The following UBOX5 variants were observed in gnomAD, a reference collection of about 807,000 sequenced individuals.
The protein encoded by UBOX5 is RING finger protein 37.
In UBOX5, 28 loss-of-function variants were observed where a neutral mutation model predicts 39.0. The ratio of observed to expected loss-of-function variants is 0.72; its 90% CI spans 0.53 to 0.98. UBOX5 has a LOEUF of 0.98. Among genes scored for constraint, UBOX5 ranks in the 50% least tolerant of loss-of-function variants. The pLI is 0.00. For missense variants in UBOX5, 585 were observed against 674.4 expected, an observed-to-expected ratio of 0.87 and a Z score of 1.47; for synonymous variants, 283 against 275.5, an observed-to-expected ratio of 1.03 and a Z score of -0.27.
chr20:3,120,490 T>C (rs1266488298), intron 3 of UBOX5, among the ~76,000 whole-genome samples: 1 of 145,416 alleles, frequency 6.9e-6, no homozygotes, highest in South Asian at 2.2e-4. Flanking sequence ...TTACTAAAAA[T>C]ACAAAAACTT....
rs762739821 is a variant in UBOX5, at chr20:3,122,005, C to A, written c.634G>T (p.Val212Phe). ...TCCTGAGGCAGGTTCTCTGAGGTGA[C>A]CAGCAGGATGCTGTCTATCACTTCC... ...SQEVIDSILL[V>F]TSENLPQDVA... The change falls in exon 3 of 5, where the codon GTC becomes TTC. Residue 212 changes from valine to phenylalanine, a missense_variant. Physicochemically the swap from Val to Phe is conservative, Grantham distance 50. Transcript: ENST00000217173. The A allele has an allele frequency of 4.3e-6, 7 of 1,614,212 alleles. No homozygotes were observed. The highest frequency in any genetic ancestry group is 5.1e-6 in the Non-Finnish European group (6 of 1,180,046).
At chr20:3,148,045 G>C (rs765170032) in intron 1 of UBOX5, 1 of 1,614,170 alleles carries the variant, frequency 6.2e-7, no homozygotes, top group Non-Finnish European at 8.5e-7. Context: ...CACAAGCCAA[G>C]TCTCCAATTT....
chr20:3,132,423 G>A (rs1051651730), intron 1 of UBOX5, among the ~76,000 whole-genome samples: 2 of 152,034 alleles, frequency 1.3e-5, no homozygotes, highest in Non-Finnish European at 2.9e-5. Context: ...TATAAGAAAT[G>A]TACCGCACTA....
At chr20:3,140,509 A>G (rs749278016) in intron 1 of UBOX5, among the ~76,000 whole-genome samples, 22 of 152,150 alleles carry the variant, frequency 1.4e-4, no homozygotes, top group Non-Finnish European at 2.6e-4. Context: ...TCTCTCCAAC[A>G]TAAAACCTGA....
intron 1 of UBOX5, among the ~76,000 whole-genome samples, chr20:3,143,873 C>T (rs372116400): frequency 5.3e-5 from 8 of 152,134 alleles, no homozygotes; most frequent in African/African-American, 1.4e-4. Flanking sequence ...GTTAGAGGAT[C>T]GCTTGAGCCC....
rs759020619 is a variant in UBOX5, at chr20:3,148,726, C to A, written c.-42+11040G>T. 10 of 1,614,094 alleles carry A rather than the reference C, an allele frequency of 6.2e-6. No homozygotes were observed. The South Asian group carries it at 1.1e-4, about 18-fold the overall frequency. ...CTGGTCTTAGCTGTAGGAAAACTCG[C>A]ATGTTTTCAAAGGAATCAAACACTT... On this transcript the variant is annotated intron_variant, in intron 1 of 4. Transcript: ENST00000217173.
intron 1 of UBOX5, among the ~76,000 whole-genome samples, chr20:3,126,689 G>A (rs534621476): frequency 6.6e-6 from 1 of 151,230 alleles, no homozygotes; most frequent in South Asian, 2.1e-4. Flanking sequence ...GGGAGGGAGG[G>A]AAGAAAGGAA....
chr20:3,158,301 T>C (rs1051788603), intron 1 of UBOX5, among the ~76,000 whole-genome samples: 6 of 152,002 alleles, frequency 3.9e-5, no homozygotes, highest in Middle Eastern at 3.4e-3. Flanking sequence ...AGTTGACTTA[T>C]TCACATGATG....
chr20:3,143,723 G>C (rs2066537529), intron 1 of UBOX5, among the ~76,000 whole-genome samples: 1 of 152,156 alleles, frequency 6.6e-6, no homozygotes, highest in Admixed American at 6.5e-5. Flanking sequence ...AACCTGGGAG[G>C]CGGAGCTTGC....
chr20:3,148,724 C>G, intron 1 of UBOX5: 1 of 1,614,182 alleles, frequency 6.2e-7, no homozygotes, highest in Non-Finnish European at 8.5e-7. Flanking sequence ...TAGGAAAACT[C>G]GCATGTTTTC....
At chr20:3,147,251 G>C (rs900342674) in intron 1 of UBOX5, 1 of 1,614,182 alleles carries the variant, frequency 6.2e-7, no homozygotes, top group East Asian at 2.2e-5. Flanking sequence ...AGCCGGCGTG[G>C]CTTCTCTATT....
At chr20:3,117,613 G>A (rs956271686) in intron 3 of UBOX5, among the ~76,000 whole-genome samples, 2 of 152,192 alleles carry the variant, frequency 1.3e-5, no homozygotes, top group African/African-American at 4.8e-5. Context: ...GAATCCAGGA[G>A]GCAGAGGTTG....
chr20:3,151,068 T>TTGTG (rs142154039), intron 1 of UBOX5, among the ~76,000 whole-genome samples: 7 of 149,360 alleles, frequency 4.7e-5, no homozygotes, highest in African/African-American at 1.5e-4. Context: ...GTGTGTGTGT[T>TTGTG]TGTGTGTGTG....
intron 1 of UBOX5, among the ~76,000 whole-genome samples, chr20:3,134,852 C>T (rs1220079054): frequency 4.0e-5 from 6 of 149,854 alleles, no homozygotes; most frequent in East Asian, 3.9e-4. Flanking sequence ...GCAACAAGAG[C>T]GAAACTCCGT....
At chr20:3,126,844 T>C (rs541871875) in intron 1 of UBOX5, among the ~76,000 whole-genome samples, 19 of 152,006 alleles carry the variant, frequency 1.2e-4, no homozygotes, top group Middle Eastern at 3.4e-3. Flanking sequence ...AAGAGCAGCC[T>C]GGCCAACATG....
In UBOX5 at chr20:3,110,150, G is replaced by A; in HGVS notation, c.1582C>T (p.Gln528Ter). Residue 528 changes from glutamine (Q) to a stop codon, truncating the protein, a stop_gained, in exon 5 of 5, where the codon CAG (glutamine) becomes TAG (stop). Coordinates refer to ENST00000217173, the MANE Select transcript of UBOX5 (RefSeq NM_014948.4). LOFTEE classifies it high-confidence loss of function. ...RSLPMTCTAC[Q>*]RPVASQDVLR... ...ACGTCTTGGCTAGCAACCGGCCGCTGGCAGGCTGTGCACGTCATGGGCAGG... is the reference window on the plus strand; with the variant it reads ...ACGTCTTGGCTAGCAACCGGCCGCTAGCAGGCTGTGCACGTCATGGGCAGG... The A allele has an allele frequency of 1.2e-6, 2 of 1,613,186 alleles. No homozygotes were observed. Among genetic ancestry groups the A allele is most frequent in the Non-Finnish European group, 8.5e-7 (1 of 1,180,038 alleles).
chr20:3,159,423 C>A (rs547967056), intron 1 of UBOX5, among the ~76,000 whole-genome samples: 5 of 152,326 alleles, frequency 3.3e-5, no homozygotes, highest in Admixed American at 1.3e-4. Context: ...GCAGGCACAT[C>A]AAAGTGTGAT....
At position 3,121,644 on chromosome 20, in the gene UBOX5, A is replaced by G; in HGVS notation, c.995T>C (p.Leu332Pro). ...GCAGCCAGGGATGGAGTGCTGGAGC[A>G]GGAAATGGTCAATCCGGGCCTTGAG... ...PSLKARIDHF[L>P]LQHSIPGCHL... Residue 332 changes from leucine to proline, a missense_variant, in exon 3 of 5, where the codon CTG becomes CCG. By Grantham distance (98) the Leu-to-Pro change is moderately conservative (BLOSUM62 -3). Coordinates refer to ENST00000217173, the MANE Select transcript of UBOX5 (RefSeq NM_014948.4). 6.2e-7 allele frequency: 1 copy of G among 1,612,866 alleles called. No individual in the cohort carries two copies. Among genetic ancestry groups the G allele is most frequent in the Non-Finnish European group, 8.5e-7 (1 of 1,179,502 alleles).
chr20:3,117,331 C>T (rs1209007886), intron 3 of UBOX5, among the ~76,000 whole-genome samples: 1 of 148,524 alleles, frequency 6.7e-6, no homozygotes, highest in African/African-American at 2.6e-5. Flanking sequence ...ACACACACTA[C>T]AGTCCAACCC....
Sources: allele counts gnomAD v4.1 joint callset (sites outside exome capture counted in the v4.1 genomes callset), GRCh38; gene constraint gnomAD v4.1.1; transcripts MANE v1.5; gene names NCBI Gene and HGNC (gene_info 2026-07-23, HGNC 2026-07-21).